The following RYR3 variants were observed in gnomAD, a reference collection of about 807,000 sequenced individuals.
The protein encoded by RYR3 is ryanodine receptor 3, also known as brain ryanodine receptor-calcium release channel.
A neutral mutation model predicts 584.3 loss-of-function variants in RYR3; 207 were observed. The observed-to-expected ratio is 0.35, with a 90% confidence interval of 0.32 to 0.40. RYR3 has a LOEUF of 0.40. Among genes scored for constraint, RYR3 ranks in the 10% least tolerant of loss-of-function variants. The probability of loss-of-function intolerance (pLI) is 1.00; values close to 1 mark genes in which losing one functional copy is unlikely to be tolerated. For missense variants in RYR3, 5,616 were observed against 6,089.2 expected (o/e 0.92, Z 2.59); for synonymous variants, 2,416 against 2,248.5 (o/e 1.07, Z -2.11).
At position 33,841,903 on chromosome 15, in the gene RYR3, G is replaced by T. The variant is rs1017659120; in HGVS notation, c.13077G>T (p.Glu4359Asp). 24 of 1,596,646 alleles carry T rather than the reference G, an allele frequency of 1.5e-5. No homozygotes were observed. The highest frequency in any genetic ancestry group is 2.0e-5 in the Non-Finnish European group (24 of 1,171,652). The change falls in exon 91 of 104, where the codon GAG becomes GAT. Residue 4359 changes from glutamate to aspartate, a missense_variant. This residue lies in a region of RYR3 where 918 missense variants were observed against 887.4 expected (regional missense o/e 1.03). Transcript: ENST00000634891. ...DGEKEDKDKE[E>D]EQAEYLWTEV... The stretch of plus-strand genomic sequence containing the variant: ...AGAAGGAAGACAAAGACAAAGAAGA[G>T]GAGCAAGCTGAGTACCTGTGGACAG...
intron 67 of RYR3, among the ~76,000 whole-genome samples, chr15:33,791,489 A>C (rs545492896): frequency 1.4e-4 from 22 of 152,198 alleles, no homozygotes; most frequent in African/African-American, 4.8e-4. Context: ...GTTGGGAATG[A>C]AGATGGGGAA....
At chr15:33,474,330 T>C (rs986339160) in intron 2 of RYR3, among the ~76,000 whole-genome samples, 1 of 152,192 alleles carries the variant, frequency 6.6e-6, no homozygotes, top group Non-Finnish European at 1.5e-5. Context: ...GAGATTTCTT[T>C]TAAGAAATTA....
intron 27 of RYR3, 109 bp downstream of exon 27, chr15:33,636,659 A>G (rs2061516040): frequency 2.0e-6 from 2 of 991,162 alleles, no homozygotes; most frequent in Non-Finnish European, 3.0e-6. Context: ...TGTCCTTTGC[A>G]TATTTGAAAA....
chr15:33,817,206 A>C (rs943383901), intron 75 of RYR3, among the ~76,000 whole-genome samples: 1 of 152,176 alleles, frequency 6.6e-6, no homozygotes, highest in African/African-American at 2.4e-5. Context: ...AATATTTCTT[A>C]AAATGCACCG....
intron 1 of RYR3, among the ~76,000 whole-genome samples, chr15:33,387,092 C>G (rs961379294): frequency 1.3e-5 from 2 of 152,034 alleles, no homozygotes; most frequent in Admixed American, 6.6e-5. Context: ...CTCCTGACCT[C>G]GTGATCCACC....
rs571787450 is a variant in RYR3, at chr15:33,678,129, A to G, written c.5860+7573A>G. ...AATGATGAGGATTGAATGATCATTC[A>G]GGCACAGTAATAAAGAGTCGGACAC... On this transcript the variant is annotated intron_variant, in intron 38 of 103. Transcript: ENST00000634891. Among the ~76,000 whole-genome samples, 3 of 152,320 alleles carry G rather than the reference A, an allele frequency of 2.0e-5. No individual in the cohort carries two copies. In the South Asian group the frequency reaches 6.2e-4, roughly 32 times the overall value.
Position 33,750,188 on chromosome 15 carries a change from A to T in RYR3, c.8301A>T (p.Val2767=). The change falls in exon 57 of 104, where the codon GTA becomes GTT. Residue 2767 remains valine, a synonymous_variant. Transcript: ENST00000634891. ...GTGGTGGCAGCCACCCTCTTCTGGT[A>T]CCATATGACACCTTGACTGCCAAGG... ...SKGGGSHPLL[V]PYDTLTAKEK... 1 of 1,609,272 alleles carries T rather than the reference A, an allele frequency of 6.2e-7. No individual in the cohort carries two copies. Among genetic ancestry groups the T allele is most frequent in the Admixed American group, 1.7e-5 (1 of 59,354 alleles).
At chr15:33,707,094 A>G (rs762251073) in intron 43 of RYR3, 40 bp downstream of exon 43, 2 of 1,608,880 alleles carry the variant, frequency 1.2e-6, no homozygotes, top group Admixed American at 3.3e-5. Flanking sequence ...TACCCAGAAT[A>G]GCATGATCGT....
In RYR3 at chr15:33,696,495, G is replaced by A. The variant is rs376364369; in HGVS notation, c.6134+4G>A. 3.1e-6 allele frequency: 5 copies of A among 1,613,816 alleles called. No individual in the cohort carries two copies. The highest frequency in any genetic ancestry group is 4.2e-6 in the Non-Finnish European group (5 of 1,179,748). ...TGCTCATGATCAATGGGCTGGGGTA[G>A]GTGATTCACGGTTACGTGCTGTTCT... On this transcript the variant is annotated splice_donor_region_variant and intron_variant, in intron 39 of 103. Coordinates refer to ENST00000634891, the MANE Select transcript of RYR3 (RefSeq NM_001036.6).
At chr15:33,461,540 A>G (rs1173085818) in intron 1 of RYR3, among the ~76,000 whole-genome samples, 3 of 152,170 alleles carry the variant, frequency 2.0e-5, no homozygotes, top group African/African-American at 7.2e-5. Flanking sequence ...TGTTTTCCAT[A>G]TGATCGGTAT....
chr15:33,556,899 C>T (rs1273763643), intron 10 of RYR3, among the ~76,000 whole-genome samples: 1 of 152,116 alleles, frequency 6.6e-6, no homozygotes, highest in Non-Finnish European at 1.5e-5. Flanking sequence ...GACCATACCA[C>T]CTTGCTGTGC....
intron 1 of RYR3, among the ~76,000 whole-genome samples, chr15:33,436,350 C>A (rs2045726513): frequency 6.6e-6 from 1 of 151,984 alleles, no homozygotes; most frequent in Non-Finnish European, 1.5e-5. Context: ...CTTTGAAATA[C>A]CTGCTCATGG....
At chr15:33,864,878 G>GATTGGTTTCAGTTTTGCTTGT in intron 103 of RYR3, 1 of 448,762 alleles carries the variant, frequency 2.2e-6, no homozygotes, top group South Asian at 4.3e-5. Context: ...GGCAAACATT[G>GATTGGTTTCAGTTTTGCTTGT]ATTGGTTTCA....
rs560724206 is a variant in RYR3 at position 33,335,019 on chromosome 15, CAA to C, written c.51+23928_51+23929del. 5.5e-3 allele frequency among the ~76,000 whole-genome samples: 837 copies of C among 152,144 alleles called. 7 individuals carry two copies. Among genetic ancestry groups the C allele is most frequent in the African/African-American group, 0.019 (794 of 41,494 alleles). On this transcript the variant is annotated intron_variant, in intron 1 of 103. Coordinates refer to ENST00000634891, the MANE Select transcript of RYR3 (RefSeq NM_001036.6). ...GTCAGAATGGTTATTATTAAAAAGC[CAA>C]AAAATAACACACGTCAGTGAGGTTG... is the stretch of plus-strand genomic sequence containing the variant.
chr15:33,833,596 TG>T (rs1193815428), intron 86 of RYR3, among the ~76,000 whole-genome samples: 1 of 152,254 alleles, frequency 6.6e-6, no homozygotes, highest in Non-Finnish European at 1.5e-5. Context: ...GATAAGCATC[TG>T]ATTTGATCTC....
intron 11 of RYR3, among the ~76,000 whole-genome samples, chr15:33,566,044 G>A (rs935472077): frequency 6.6e-6 from 1 of 152,158 alleles, no homozygotes; most frequent in Admixed American, 6.5e-5. Context: ...AAAGCAAATG[G>A]GGTTAACTAA....
chr15:33,521,363 C>CT (rs1468792363), intron 3 of RYR3, among the ~76,000 whole-genome samples: 1 of 152,132 alleles, frequency 6.6e-6, no homozygotes, highest in Non-Finnish European at 1.5e-5. Context: ...TTCTGAAATA[C>CT]TTCCATGTGG....
intron 52 of RYR3, among the ~76,000 whole-genome samples, chr15:33,745,089 C>G (rs759094042): frequency 1.3e-5 from 2 of 152,024 alleles, no homozygotes; most frequent in Non-Finnish European, 2.9e-5. Flanking sequence ...GTGAGAGAGA[C>G]AGACAGACAG....
intron 3 of RYR3, among the ~76,000 whole-genome samples, chr15:33,520,720 A>C (rs1203099592): frequency 6.7e-6 from 1 of 148,342 alleles, no homozygotes. Context: ...AATAAGAAAC[A>C]TGTGTTAGGG....
Sources: allele counts gnomAD v4.1 joint callset (sites outside exome capture counted in the v4.1 genomes callset), GRCh38; gene constraint gnomAD v4.1.1; regional missense constraint gnomAD v4.1.1; transcripts MANE v1.5; gene names NCBI Gene and HGNC (gene_info 2026-07-23, HGNC 2026-07-21).